ORMDL1: variants seen among roughly 807,000 people sequenced by gnomAD.
The protein encoded by ORMDL1 is ORM1-like protein 1.
ORMDL1 carries 10 observed loss-of-function variants against 13.0 expected under a neutral mutation model. The ratio of observed to expected loss-of-function variants is 0.77; its 90% CI spans 0.47 to 1.30. ORMDL1 has a LOEUF of 1.30. Among genes scored for constraint, ORMDL1 ranks in the 50% most tolerant of loss-of-function variants. ORMDL1 has a pLI of 0.00. For missense variants in ORMDL1, 171 were observed against 186.7 expected, an observed-to-expected ratio of 0.92 and a Z score of 0.49; for synonymous variants, 61 against 63.9, an observed-to-expected ratio of 0.95 and a Z score of 0.22.
At chr2:189,767,063 CAT>C (rs1559185099), downstream of ORMDL1, among the ~76,000 whole-genome samples, 1 of 152,214 alleles carries the variant, frequency 6.6e-6, no homozygotes, top group Non-Finnish European at 1.5e-5. Flanking sequence ...CTGCTGTGAA[CAT>C]AGATGTACAA....
chr2:189,766,615 G>A (rs1338475677), downstream of ORMDL1, among the ~76,000 whole-genome samples: 1 of 151,998 alleles, frequency 6.6e-6, no homozygotes, highest in Non-Finnish European at 1.5e-5. Flanking sequence ...TCCCAGCTAC[G>A]TGGGAGGCTG....
chr2:189,764,710 CGA>C, the ORMDL1 span: 2 of 152,152 alleles, frequency 1.3e-5, no homozygotes, highest in East Asian at 3.9e-4. Context: ...CAACATAAAT[CGA>C]GAGTTCCAGC....
intron 3 of ORMDL1, among the ~76,000 whole-genome samples, chr2:189,777,399 C>T (rs1020954179): frequency 2.5e-4 from 38 of 151,958 alleles, no homozygotes; most frequent in African/African-American, 8.5e-4. Context: ...GTATAGGACC[C>T]CCAAAAAGTT....
At chr2:189,781,706 T>A (rs948516935) in intron 3 of ORMDL1, among the ~76,000 whole-genome samples, 3 of 151,922 alleles carry the variant, frequency 2.0e-5, no homozygotes, top group African/African-American at 7.3e-5. Flanking sequence ...AAAGGACCAA[T>A]GTTGAAATAA....
chr2:189,771,803 T>C lies in ORMDL1; in HGVS notation c.426A>G (p.Leu142=). ...TAATTCCAAAGATCCGAACACCATG[T>C]AGTTGTGGCATTTTGGGAATTAGTA... ...LSVLIPKMPQ[L]HGVRIFGINK... Residue 142 remains leucine, a synonymous_variant, in exon 5 of 5, where the codon CTA becomes CTG. Transcript: ENST00000392349. 6.2e-7 allele frequency: 1 copy of C among 1,612,190 alleles called. No homozygotes were observed. The highest frequency in any genetic ancestry group is 1.3e-5 in the African/African-American group (1 of 74,904).
intron 3 of ORMDL1, among the ~76,000 whole-genome samples, chr2:189,780,715 C>T (rs2047804901): frequency 6.6e-6 from 1 of 151,910 alleles, no homozygotes; most frequent in South Asian, 2.1e-4. Flanking sequence ...CCTATAGAAG[C>T]CAAAGGAAGT....
At chr2:189,782,296 T>A in intron 3 of ORMDL1, 126 bp downstream of exon 3, 1 of 753,644 alleles carries the variant, frequency 1.3e-6, no homozygotes, top group South Asian at 1.9e-5. Context: ...CAGAACTCTC[T>A]TCATCTTGCA....
At chr2:189,779,886 T>C (rs749150453) in intron 3 of ORMDL1, among the ~76,000 whole-genome samples, 1 of 152,242 alleles carries the variant, frequency 6.6e-6, no homozygotes, top group Non-Finnish European at 1.5e-5. Flanking sequence ...CCTTGTATTC[T>C]TGTTTGCATA....
intron 3 of ORMDL1, chr2:189,778,082 G>C: frequency 4.8e-6 from 2 of 420,212 alleles, no homozygotes; most frequent in Non-Finnish European, 9.3e-6. Context: ...CAACCAACTT[G>C]AAACACGGTT....
At chr2:189,773,445 G>A (rs2047623521) in intron 4 of ORMDL1, among the ~76,000 whole-genome samples, 1 of 152,080 alleles carries the variant, frequency 6.6e-6, no homozygotes, top group African/African-American at 2.4e-5. Context: ...TAAAAATCTG[G>A]AATATGGTGG....
intron 4 of ORMDL1, among the ~76,000 whole-genome samples, chr2:189,772,678 G>T (rs1388638373): frequency 6.6e-6 from 1 of 152,148 alleles, no homozygotes; most frequent in Non-Finnish European, 1.5e-5. Context: ...AAGATGTAAA[G>T]AATAAAACAT....
chr2:189,775,769 C>T, intron 3 of ORMDL1, 53 bp from the exon 4 acceptor site: 2 of 1,543,922 alleles, frequency 1.3e-6, no homozygotes, highest in Non-Finnish European at 1.8e-6. Flanking sequence ...CAAAATTAGT[C>T]TTTGTCAGTA....
chr2:189,771,828 A>G lies in ORMDL1; in HGVS notation c.401T>C (p.Val134Ala). The change falls in exon 5 of 5, where the codon GTA (valine) becomes GCA (alanine). Residue 134 changes from valine to alanine, a missense_variant. Transcript: ENST00000392349. ...TAGTTGTGGCATTTTGGGAATTAGT[A>G]CACTCAGGAGAGAAGCTGTGTTTAG... Reference protein sequence around the residue: ...FILNTASLLSVLIPKMPQLHG... With the variant: ...FILNTASLLSALIPKMPQLHG... The G allele has an allele frequency of 6.2e-7, 1 of 1,611,894 alleles. No homozygotes were observed. Among genetic ancestry groups the G allele is most frequent in the Middle Eastern group, 1.7e-4 (1 of 6,060 alleles).
At chr2:189,781,441 C>T (rs2047827751) in intron 3 of ORMDL1, among the ~76,000 whole-genome samples, 1 of 151,978 alleles carries the variant, frequency 6.6e-6, no homozygotes, top group East Asian at 1.9e-4. Flanking sequence ...AAGGCAATTT[C>T]CAGGGCTGCA....
At chr2:189,768,977 C>T (rs1389854387), downstream of ORMDL1, among the ~76,000 whole-genome samples, 1 of 152,034 alleles carries the variant, frequency 6.6e-6, no homozygotes, top group Non-Finnish European at 1.5e-5. Flanking sequence ...CGATATACAA[C>T]AAATTGTAAA....
chr2:189,773,522 G>C (rs2047625385), intron 4 of ORMDL1, among the ~76,000 whole-genome samples: 1 of 152,120 alleles, frequency 6.6e-6, no homozygotes, highest in Non-Finnish European at 1.5e-5. Flanking sequence ...AGAAGTTCAA[G>C]ACCAGCCTGG....
At chr2:189,772,834 C>G (rs947433760) in intron 4 of ORMDL1, among the ~76,000 whole-genome samples, 1 of 152,136 alleles carries the variant, frequency 6.6e-6, no homozygotes, top group African/African-American at 2.4e-5. Context: ...AAGAGAGGAG[C>G]TACTTCCAAG....
At chr2:189,778,491 A>G (rs762574727) in intron 3 of ORMDL1, 6 of 454,338 alleles carry the variant, frequency 1.3e-5, no homozygotes, top group Non-Finnish European at 2.7e-5. Context: ...TTATAAAACA[A>G]TGACAAACAC....
Position 189,783,292 on chromosome 2 carries a change from C to T in ORMDL1, c.-117-169G>A, listed in dbSNP as rs1574975298. On this transcript the variant is annotated intron_variant, in intron 1 of 4. Transcript: ENST00000392349. ...TAAAAAAGGTTTTCCCTTCTCCTTT[C>T]CATTGAAGATGGACTCCAAAGGAAG... 5.9e-5 allele frequency: 9 copies of T among 152,310 alleles called. 1 individual carries two copies. In the South Asian group the frequency reaches 1.9e-3, roughly 32 times the overall value. The allele number at this position is 152,310 out of a possible 1,614,324, so 9.4% of individuals were successfully genotyped here. A position where few individuals can be genotyped will look rare whatever the true frequency, so the allele number is the denominator to read the frequency against.
Sources: gnomAD v4.1 joint callset for allele counts (sites outside exome capture counted in the v4.1 genomes callset) on GRCh38, gnomAD v4.1.1 for gene constraint, MANE v1.5 for transcripts, NCBI Gene and HGNC (gene_info 2026-07-23, HGNC 2026-07-21) for gene names.